Variants in ZNF75A observed in about 807,000 individuals in gnomAD.
The protein encoded by ZNF75A is zinc finger protein 75A.
A neutral mutation model predicts 46.3 loss-of-function variants in ZNF75A; 36 were observed. The observed-to-expected ratio is 0.78, with a 90% CI of 0.60 to 1.03. ZNF75A has a LOEUF of 1.03. Among genes scored for constraint, ZNF75A ranks in the 50% least tolerant of loss-of-function variants. The probability of loss-of-function intolerance (pLI) is 0.00; values close to 1 mark genes in which losing one functional copy is unlikely to be tolerated. For missense variants in ZNF75A, 595 were observed against 551.3 expected, an observed-to-expected ratio of 1.08 and a Z score of -0.79; for synonymous variants, 234 against 189.9, an observed-to-expected ratio of 1.23 and a Z score of -1.91.
chr16:3,315,166 A>T, intron 5 of ZNF75A: 2 of 715,546 alleles, frequency 2.8e-6, no homozygotes, highest in Non-Finnish European at 3.4e-6. Flanking sequence ...CCAGTTGCTC[A>T]GGGCAAACAA....
chr16:3,318,171 C>A lies in ZNF75A; in HGVS notation c.*302C>A, dbSNP rs1440691639. The A allele has an allele frequency of 6.3e-6, 7 of 1,105,022 alleles. No individual in the cohort carries two copies. The highest frequency in any genetic ancestry group is 4.0e-4 in the Middle Eastern group (1 of 2,482). The allele number at this position is 1,105,022 out of a possible 1,614,324, so 68.5% of individuals were successfully genotyped here. On this transcript the variant is annotated 3_prime_UTR_variant, in exon 7 of 7. Coordinates refer to ENST00000669516, the MANE Select transcript of ZNF75A (RefSeq NM_001302109.2). ...AAGCAGTAACATGCATGTTTAATTG[C>A]ATACCATTCTCTTCACAGTAGCAGG...
downstream of ZNF75A, chr16:3,322,966 A>C (rs1452206781): frequency 1.0e-6 from 1 of 983,370 alleles, no homozygotes; most frequent in Non-Finnish European, 1.2e-6. Context: ...GAGGCAGCCA[A>C]TGTAGAAAAT....
chr16:3,310,644 CAAAA>C lies in ZNF75A; in HGVS notation c.409-1104_409-1101del, dbSNP rs964169338. The stretch of plus-strand genomic sequence containing the variant: ...CCCGTCTCAAAACAAAACAAACAAA[CAAAA>C]AAAACAACTAGGGGAAGACTGCACA... On this transcript the variant is annotated intron_variant, in intron 2 of 6. Coordinates refer to ENST00000669516, the MANE Select transcript of ZNF75A (RefSeq NM_001302109.2). The C allele has an allele frequency of 5.4e-5, 52 of 957,208 alleles. No homozygotes were observed. The African/African-American group carries it at 6.0e-4, about 11-fold the overall frequency. 59.3% of individuals were successfully genotyped at this position (957,208 alleles called of 1,614,324 possible).
In ZNF75A at chr16:3,308,571, G is replaced by A. The variant is rs1960462885; in HGVS notation, c.143G>A (p.Cys48Tyr). 2.0e-6 allele frequency: 2 copies of A among 985,832 alleles called. No individual in the cohort carries two copies. The highest frequency in any genetic ancestry group is 6.1e-5 in the Admixed American group (1 of 16,262). The allele number at this position is 985,832 out of a possible 1,614,324, so 61.1% of individuals were successfully genotyped here. A position where few individuals can be genotyped will look rare whatever the true frequency, so the allele number is the denominator to read the frequency against. ...QMDCLDPKSS[C>Y]WHFRNFTYDE... The stretch of plus-strand genomic sequence containing the variant: ...GACTGTCTCGATCCTAAGAGCTCTT[G>A]CTGGCACTTCCGGAATTTCACCTAT... Residue 48 changes from cysteine to tyrosine, a missense_variant, in exon 2 of 7, where the codon TGC (cysteine) becomes TAC (tyrosine). Transcript: ENST00000669516.
intron 5 of ZNF75A, chr16:3,315,856 C>G (rs914893238): frequency 4.6e-5 from 7 of 152,248 alleles, no homozygotes; most frequent in East Asian, 1.9e-4. Flanking sequence ...CCTCCATGGT[C>G]TGGCTCCTAT....
At position 3,317,262 on chromosome 16, in the gene ZNF75A, C is replaced by T; in HGVS notation, c.1007C>T (p.Ala336Val). ...TCTGACTTAGAAATACAAGCATCAGCAGGCGTCATATCAAAAAAGGCCAAA... is the reference window on the plus strand; with the variant it reads ...TCTGACTTAGAAATACAAGCATCAGTAGGCGTCATATCAAAAAAGGCCAAA... ...SLSDLEIQAS[A>V]GVISKKAKVK... Residue 336 changes from alanine (A) to valine (V), a missense_variant, in exon 7 of 7, where the codon GCA becomes GTA. Ala to Val is a moderately conservative substitution (Grantham distance 64, BLOSUM62 0). Transcript: ENST00000669516. 1 of 1,613,994 alleles carries T rather than the reference C, an allele frequency of 6.2e-7. No individual in the cohort carries two copies. The highest frequency in any genetic ancestry group is 2.2e-5 in the East Asian group (1 of 44,870).
At chr16:3,321,789 G>C (rs1201049551), downstream of ZNF75A, among the ~76,000 whole-genome samples, 1 of 152,168 alleles carries the variant, frequency 6.6e-6, no homozygotes, top group African/African-American at 2.4e-5. Flanking sequence ...TTTAACTGGA[G>C]GGGAAGAACA....
At chr16:3,309,043 TAGAGAA>T (rs944394284) in intron 2 of ZNF75A, 2 of 170,136 alleles carry the variant, frequency 1.2e-5, no homozygotes, top group Non-Finnish European at 2.4e-5. Context: ...TCCCTGGCCT[TAGAGAA>T]AGAGAGTTGC....
Position 3,311,839 on chromosome 16 carries a change from C to A in ZNF75A, c.495C>A (p.Ser165=). 9.6e-7 allele frequency: 1 copy of A among 1,045,304 alleles called. No homozygotes were observed. The highest frequency in any genetic ancestry group is 3.5e-5 in the South Asian group (1 of 28,336). The allele number at this position is 1,045,304 out of a possible 1,614,324, so 64.8% of individuals were successfully genotyped here. A position where few individuals can be genotyped will look rare whatever the true frequency, so the allele number is the denominator to read the frequency against. ...GTTTCGGGCTGAAGCCAACAGAGTC[C>A]CAACCAGTGGGCGTATCCCAAGATG... is the stretch of plus-strand genomic sequence containing the variant. The part of the protein sequence containing the change: ...ASSFGLKPTE[S]QPVGVSQDEE... The change falls in exon 3 of 7, where the codon TCC becomes TCA. Residue 165 remains serine (S), a synonymous_variant. Coordinates refer to ENST00000669516, the MANE Select transcript of ZNF75A (RefSeq NM_001302109.2).
In ZNF75A at chr16:3,317,918, G is replaced by A; in HGVS notation, c.*49G>A. 1 of 1,512,132 alleles carries A rather than the reference G, an allele frequency of 6.6e-7. No individual in the cohort carries two copies. Among genetic ancestry groups the A allele is most frequent in the East Asian group, 2.3e-5 (1 of 43,380 alleles). 93.7% of individuals were successfully genotyped at this position (1,512,132 alleles called of 1,614,324 possible). A position where few individuals can be genotyped will look rare whatever the true frequency, so the allele number is the denominator to read the frequency against. ...ATTCTGAAGACATTCACCAAATGGA[G>A]CTTGGCACTAAAATTTATGTAAAAG... On this transcript the variant is annotated 3_prime_UTR_variant, in exon 7 of 7. Coordinates refer to ENST00000669516, the MANE Select transcript of ZNF75A (RefSeq NM_001302109.2).
chr16:3,317,128 T>C, intron 6 of ZNF75A, 62 bp from the exon 7 acceptor site: 1 of 1,548,292 alleles, frequency 6.5e-7, no homozygotes, highest in Non-Finnish European at 8.7e-7. Flanking sequence ...TGAATTTTTC[T>C]TTTTATTCCT....
At chr16:3,305,782 C>A (rs1256606162) in intron 1 of ZNF75A, 139 bp downstream of exon 1, 1 of 152,220 alleles carries the variant, frequency 6.6e-6, no homozygotes, top group Admixed American at 6.5e-5. Context: ...GGCGGGGCCA[C>A]CGTCGGGCAC....
At chr16:3,323,309 A>G, downstream of ZNF75A, 3 of 1,037,622 alleles carry the variant, frequency 2.9e-6, no homozygotes, top group Non-Finnish European at 3.0e-6. Context: ...GGAAAGGGCA[A>G]AAGAACCATG....
chr16:3,319,875 G>A (rs1177156527), downstream of ZNF75A, among the ~76,000 whole-genome samples: 1 of 151,374 alleles, frequency 6.6e-6, no homozygotes, highest in East Asian at 1.9e-4. Context: ...CATACAGAGA[G>A]AGCAGCCATG....
chr16:3,311,964 A>G lies in ZNF75A; in HGVS notation c.604+16A>G. ...TATGAGAGGGGTAAGGAGCTTCATG[A>G]TAATTTTCTTCTCCTGGGAGCTGTG... On this transcript the variant is annotated intron_variant, in intron 3 of 6. Transcript: ENST00000669516. 2 of 983,898 alleles carry G rather than the reference A, an allele frequency of 2.0e-6. No homozygotes were observed. The highest frequency in any genetic ancestry group is 2.4e-6 in the Non-Finnish European group (2 of 828,064). 60.9% of individuals were successfully genotyped at this position (983,898 alleles called of 1,614,324 possible). A position where few individuals can be genotyped will look rare whatever the true frequency, so the allele number is the denominator to read the frequency against.
intron 5 of ZNF75A, among the ~76,000 whole-genome samples, chr16:3,313,647 G>C (rs532914673): frequency 1.3e-5 from 2 of 152,162 alleles, no homozygotes; most frequent in Non-Finnish European, 2.9e-5. Flanking sequence ...GCATACATGC[G>C]TAGCTTTTTA....
At chr16:3,306,436 T>G (rs1276794346) in intron 1 of ZNF75A, 3 of 152,190 alleles carry the variant, frequency 2.0e-5, no homozygotes, top group Non-Finnish European at 2.9e-5. Context: ...CATATAGGCC[T>G]GGCGCGGTGT....
chr16:3,316,878 A>G, intron 5 of ZNF75A, 34 bp from the exon 6 acceptor site: 2 of 1,467,564 alleles, frequency 1.4e-6, no homozygotes, highest in Middle Eastern at 1.7e-4. Flanking sequence ...CTGTTAAGTT[A>G]CCAGTCCTTG....
Position 3,318,482 on chromosome 16 carries a change from A to G in ZNF75A, c.*613A>G. The G allele has an allele frequency of 1.0e-6, 1 of 985,456 alleles. No individual in the cohort carries two copies. Among genetic ancestry groups the G allele is most frequent in the Non-Finnish European group, 1.2e-6 (1 of 829,938 alleles). The allele number at this position is 985,456 out of a possible 1,614,324, so 61.0% of individuals were successfully genotyped here. A position where few individuals can be genotyped will look rare whatever the true frequency, so the allele number is the denominator to read the frequency against. On this transcript the variant is annotated 3_prime_UTR_variant, in exon 7 of 7. Coordinates refer to ENST00000669516, the MANE Select transcript of ZNF75A (RefSeq NM_001302109.2). ...GTTTGGAAAATAGAAGACATCTCTA[A>G]TGGAATCATGGGGGAAACGGGTTGG...
Sources: gnomAD v4.1 joint callset for allele counts (sites outside exome capture counted in the v4.1 genomes callset) on GRCh38, gnomAD v4.1.1 for gene constraint, MANE v1.5 for transcripts, NCBI Gene and HGNC (gene_info 2026-07-23, HGNC 2026-07-21) for gene names.